Variants in ZMAT2 observed in about 807,000 individuals in gnomAD.
ZMAT2 encodes the protein zinc finger matrin-type protein 2.
Under a neutral mutation model 27.5 loss-of-function variants are expected in ZMAT2, and 5 were observed. That is an observed-to-expected ratio of 0.18 (90% CI 0.10 to 0.38). The LOEUF is 0.38. ZMAT2 is among the 10% of genes least tolerant of loss of function. The probability of loss-of-function intolerance (pLI) is 1.00; values close to 1 mark genes in which losing one functional copy is unlikely to be tolerated. For missense variants in ZMAT2, 124 were observed against 243.9 expected, an observed-to-expected ratio of 0.51 and a Z score of 3.27; for synonymous variants, 76 against 78.6, an observed-to-expected ratio of 0.97 and a Z score of 0.17.
Position 140,705,841 on chromosome 5 carries a change from G to C in ZMAT2, c.*85G>C. ...GTGTAGTAGGGGGTCATTTCTTTTTGGGTAATGGGAAAGTTCTTAAGAGTG... is the reference window on the plus strand; with the variant it reads ...GTGTAGTAGGGGGTCATTTCTTTTTCGGTAATGGGAAAGTTCTTAAGAGTG... On this transcript the variant is annotated 3_prime_UTR_variant, in exon 6 of 6. Transcript: ENST00000274712. 6.5e-7 allele frequency: 1 copy of C among 1,532,062 alleles called. No homozygotes were observed. Among genetic ancestry groups the C allele is most frequent in the Non-Finnish European group, 8.8e-7 (1 of 1,136,618 alleles). The allele number at this position is 1,532,062 out of a possible 1,614,324, so 94.9% of individuals were successfully genotyped here.
At chr5:140,703,287 G>C (rs1434443695) in intron 3 of ZMAT2, among the ~76,000 whole-genome samples, 6 of 150,334 alleles carry the variant, frequency 4.0e-5, no homozygotes, top group Non-Finnish European at 3.0e-5. Context: ...TCTTGCCCAG[G>C]ATGAAATGCA....
chr5:140,702,256 C>T (rs1759975932), intron 3 of ZMAT2, 127 bp downstream of exon 3: 1 of 1,243,598 alleles, frequency 8.0e-7, no homozygotes, highest in African/African-American at 1.5e-5. Flanking sequence ...GTAATTCTAT[C>T]TTTATATTTG....
chr5:140,700,534 C>T lies in ZMAT2; in HGVS notation c.18+56C>T, dbSNP rs2149860208. On this transcript the variant is annotated intron_variant, in intron 1 of 5. Transcript: ENST00000274712. ...CGGGGTGGGGAATGGTTTTTCAGAC[C>T]TGAATAGAGACAAACTCCTGCACCC... is the stretch of plus-strand genomic sequence containing the variant. 1.9e-6 allele frequency: 3 copies of T among 1,611,466 alleles called. No individual in the cohort carries two copies. The Middle Eastern group carries it at 6.0e-4, about 323-fold the overall frequency.
intron 3 of ZMAT2, among the ~76,000 whole-genome samples, chr5:140,702,691 G>A (rs1464085209): frequency 6.6e-6 from 1 of 152,208 alleles, no homozygotes; most frequent in East Asian, 1.9e-4. Flanking sequence ...TAGAGCCTAG[G>A]AGTTGTTAAT....
At position 140,702,092 on chromosome 5, in the gene ZMAT2, G is replaced by A; in HGVS notation, c.199G>A (p.Val67Ile). ...GGAATCCAAGCTTGGGAAGACAATT[G>A]TCATTACCAAGACAACCCCTCAATC... ...DLESKLGKTI[V>I]ITKTTPQSEM... Residue 67 changes from valine to isoleucine, a missense_variant, in exon 3 of 6, where the codon GTC (valine) becomes ATC (isoleucine). Physicochemically the swap from Val to Ile is conservative, Grantham distance 29. Transcript: ENST00000274712. 6.2e-7 allele frequency: 1 copy of A among 1,613,666 alleles called. No homozygotes were observed. The highest frequency in any genetic ancestry group is 1.1e-5 in the South Asian group (1 of 90,912).
chr5:140,705,076 A>G (rs1760033674), intron 5 of ZMAT2, among the ~76,000 whole-genome samples: 1 of 152,294 alleles, frequency 6.6e-6, no homozygotes, highest in African/African-American at 2.4e-5. Context: ...GTGAAAAACA[A>G]TGGTTGTATG....
chr5:140,700,978 G>T, intron 2 of ZMAT2, 66 bp downstream of exon 2: 1 of 1,524,750 alleles, frequency 6.6e-7, no homozygotes, highest in East Asian at 2.3e-5. Flanking sequence ...AGAGCGGGTG[G>T]GAGTTGAAGT....
Position 140,705,851 on chromosome 5 carries a change from A to G in ZMAT2, c.*95A>G. 6.6e-7 allele frequency: 1 copy of G among 1,514,176 alleles called. No individual in the cohort carries two copies. Among genetic ancestry groups the G allele is most frequent in the Middle Eastern group, 2.4e-4 (1 of 4,212 alleles). 93.8% of individuals were successfully genotyped at this position (1,514,176 alleles called of 1,614,324 possible). A position where few individuals can be genotyped will look rare whatever the true frequency, so the allele number is the denominator to read the frequency against. On this transcript the variant is annotated 3_prime_UTR_variant, in exon 6 of 6. Transcript: ENST00000274712. ...GGGTCATTTCTTTTTGGGTAATGGG[A>G]AAGTTCTTAAGAGTGTCAATGGGGA...
chr5:140,705,532 A>C, intron 5 of ZMAT2, 81 bp from the exon 6 acceptor site: 1 of 1,496,446 alleles, frequency 6.7e-7, no homozygotes, highest in Non-Finnish European at 9.0e-7. Flanking sequence ...CATGTACTGC[A>C]TGCCCCAGAA....
rs1759950060 is a variant in ZMAT2, at chr5:140,700,986, A to G, written c.112+74A>G. The stretch of plus-strand genomic sequence containing the variant: ...ATGATGGAGAGCGGGTGGGAGTTGA[A>G]GTGCGCTGCCTTCCCACGCGGTGTA... On this transcript the variant is annotated intron_variant, in intron 2 of 5. Coordinates refer to ENST00000274712, the MANE Select transcript of ZMAT2 (RefSeq NM_144723.3). 5 of 1,456,626 alleles carry G rather than the reference A, an allele frequency of 3.4e-6. No individual in the cohort carries two copies. In the Admixed American group the frequency reaches 9.6e-5, roughly 28 times the overall value. The allele number at this position is 1,456,626 out of a possible 1,614,324, so 90.2% of individuals were successfully genotyped here.
chr5:140,705,267 G>T (rs1022228311), intron 5 of ZMAT2, among the ~76,000 whole-genome samples: 3 of 151,472 alleles, frequency 2.0e-5, no homozygotes, highest in African/African-American at 7.3e-5. Flanking sequence ...GAGTTATAAA[G>T]ATTTCCCATA....
At chr5:140,701,008 T>G in intron 2 of ZMAT2, 96 bp downstream of exon 2, 3 of 1,230,472 alleles carry the variant, frequency 2.4e-6, no homozygotes, top group Admixed American at 4.6e-5. Context: ...TCCCACGCGG[T>G]GTAAGCTCTG....
intron 5 of ZMAT2, among the ~76,000 whole-genome samples, chr5:140,705,150 G>A (rs1218465974): frequency 6.6e-6 from 1 of 152,102 alleles, no homozygotes; most frequent in Non-Finnish European, 1.5e-5. Context: ...GAAAAATCTT[G>A]TCAGCATCAT....
rs923112939 is a variant in ZMAT2, at chr5:140,701,915, A to G, written c.113-91A>G. The stretch of plus-strand genomic sequence containing the variant: ...TTTCAGGAATGATTTTGAAATGAGT[A>G]AGACCTGAATTTTGGATTTCATGCA... On this transcript the variant is annotated intron_variant, in intron 2 of 5. Transcript: ENST00000274712. 44 of 1,480,314 alleles carry G rather than the reference A, an allele frequency of 3.0e-5. No individual in the cohort carries two copies. The African/African-American group carries it at 4.9e-4, about 17-fold the overall frequency. 91.7% of individuals were successfully genotyped at this position (1,480,314 alleles called of 1,614,324 possible). A position where few individuals can be genotyped will look rare whatever the true frequency, so the allele number is the denominator to read the frequency against.
chr5:140,701,141 C>T (rs549575284), intron 2 of ZMAT2, among the ~76,000 whole-genome samples: 14 of 152,288 alleles, frequency 9.2e-5, no homozygotes, highest in African/African-American at 3.4e-4. Context: ...CTTGCCCACC[C>T]TTTGCTTGGC....
At chr5:140,703,340 A>G (rs1759999073) in intron 3 of ZMAT2, among the ~76,000 whole-genome samples, 1 of 150,962 alleles carries the variant, frequency 6.6e-6, no homozygotes, top group East Asian at 1.9e-4. Context: ...TCCTGGGTTC[A>G]AGCGATTCTC....
intron 4 of ZMAT2, 64 bp from the exon 5 acceptor site, chr5:140,704,362 A>G (rs977511686): frequency 1.9e-6 from 3 of 1,543,994 alleles, no homozygotes; most frequent in South Asian, 2.5e-5. Flanking sequence ...AGTCAGGAAA[A>G]TAATTTTTGA....
intron 1 of ZMAT2, 124 bp downstream of exon 1, chr5:140,700,602 T>G (rs879877154): frequency 8.9e-5 from 138 of 1,555,130 alleles, no homozygotes; most frequent in Non-Finnish European, 1.2e-4. Flanking sequence ...GGGTTCAGGT[T>G]CAAGAACTCC....
At chr5:140,705,436 T>C (rs1760037825) in intron 5 of ZMAT2, among the ~76,000 whole-genome samples, 177 bp from the exon 6 acceptor site, 1 of 152,200 alleles carries the variant, frequency 6.6e-6, no homozygotes, top group African/African-American at 2.4e-5. Context: ...GCTGTGAATC[T>C]TGGGCAAGTT....
Sources: gnomAD v4.1 joint callset for allele counts (sites outside exome capture counted in the v4.1 genomes callset) on GRCh38, gnomAD v4.1.1 for gene constraint, MANE v1.5 for transcripts, NCBI Gene and HGNC (gene_info 2026-07-23, HGNC 2026-07-21) for gene names.